The following NPHS1 variants were observed in gnomAD, a reference collection of about 807,000 sequenced individuals.
The protein encoded by NPHS1 is nephrin.
A neutral mutation model predicts 139.7 loss-of-function variants in NPHS1; 107 were observed. The observed-to-expected ratio is 0.77, with a 90% CI of 0.66 to 0.90. NPHS1 has a LOEUF of 0.90. Among genes scored for constraint, NPHS1 ranks in the 40% least tolerant of loss-of-function variants. The pLI is 0.00. For synonymous variants in NPHS1, 707 were observed against 706.6 expected, an observed-to-expected ratio of 1.00 and a Z score of -0.01; for missense variants, 1,580 against 1,654.2, an observed-to-expected ratio of 0.96 and a Z score of 0.78.
At chr19:35,843,807 G>C in intron 16 of NPHS1, 1 of 665,374 alleles carries the variant, frequency 1.5e-6, no homozygotes, top group Non-Finnish European at 2.5e-6. Context: ...AGAGTGAGTT[G>C]AGTGGGCTTC....
chr19:35,831,636 T>C lies in NPHS1; in HGVS notation c.3286+7A>G, dbSNP rs1568449284. On this transcript the variant is annotated splice_region_variant and intron_variant, in intron 24 of 28. Transcript: ENST00000378910. ...CTCCACCCTGGCAGGGAAGGGTCTCTCCTCACCCTCAGCAAGACGCCTGAG... is the reference window on the plus strand; with the variant it reads ...CTCCACCCTGGCAGGGAAGGGTCTCCCCTCACCCTCAGCAAGACGCCTGAG... 4 of 1,613,116 alleles carry C rather than the reference T, an allele frequency of 2.5e-6. No homozygotes were observed. Among genetic ancestry groups the C allele is most frequent in the Non-Finnish European group, 3.4e-6 (4 of 1,179,720 alleles).
chr19:35,839,455 C>T (rs888347642), intron 21 of NPHS1, 37 bp from the exon 22 acceptor site: 2 of 1,613,198 alleles, frequency 1.2e-6, no homozygotes, highest in Non-Finnish European at 1.7e-6. Flanking sequence ...AGGGAAGTGC[C>T]CTAGCCCATT....
At chr19:35,834,840 G>A (rs1051820999) in intron 23 of NPHS1, among the ~76,000 whole-genome samples, 80 of 150,368 alleles carry the variant, frequency 5.3e-4, no homozygotes, top group East Asian at 7.9e-4. Context: ...AGCCGAGATC[G>A]CACCACTGCA....
Position 35,831,362 on chromosome 19 carries a change from C to T in NPHS1, c.3321G>A (p.Glu1107=), listed in dbSNP as rs115670171. 138 of 1,614,102 alleles carry T rather than the reference C, an allele frequency of 8.5e-5. No individual in the cohort carries two copies. The East Asian group carries it at 2.1e-3, about 25-fold the overall frequency. ...CCTCATATTCGTTCCTGACTCGGTC[C>T]TCTTCCGACCTTCCAGGATGAAGGT... ...ISEKTEAGSE[E]DRVRNEYEES... Residue 1107 remains glutamate, a synonymous_variant, in exon 26 of 29, where the codon GAG becomes GAA. Transcript: ENST00000378910.
rs781684656 is a variant in NPHS1, at chr19:35,849,196, C to G, written c.840+40G>C. 4 of 1,613,400 alleles carry G rather than the reference C, an allele frequency of 2.5e-6. No homozygotes were observed. In the African/African-American group the frequency reaches 5.3e-5, roughly 21 times the overall value. Reference sequence around the variant, plus strand: ...CCAGCTCAGGACTGGCTCCCAGACCCCACTGTCCCCCCATTCCCCATGCCC... The same window carrying G: ...CCAGCTCAGGACTGGCTCCCAGACCGCACTGTCCCCCCATTCCCCATGCCC... On this transcript the variant is annotated intron_variant, in intron 7 of 28. Transcript: ENST00000378910.
intron 23 of NPHS1, among the ~76,000 whole-genome samples, chr19:35,831,967 C>T (rs943403550): frequency 5.9e-5 from 9 of 152,198 alleles, no homozygotes; most frequent in Non-Finnish European, 1.0e-4. Flanking sequence ...AAACTTCCTC[C>T]GTTTGCTTGA....
In NPHS1 at chr19:35,851,640, GA is replaced by G. The variant is rs1321939270; in HGVS notation, c.90del (p.Arg32GlyfsTer10). On this transcript the variant is annotated frameshift_variant, in exon 2 of 29. Transcript: ENST00000378910. LOFTEE classifies it high-confidence loss of function. ...GLAQLAIPASVPRGFWALPEN... is the reference protein window; with the variant it reads ...GLAQLAIPASXPRGFWALPEN... Reference sequence around the variant, plus strand: ...TCAGGCAGGGCCCAGAAGCCCCGGGGAACGGAGGCAGGAATCGCCAACTGCG... The same window carrying G: ...TCAGGCAGGGCCCAGAAGCCCCGGGGACGGAGGCAGGAATCGCCAACTGCG... 6.2e-7 allele frequency: 1 copy of G among 1,613,732 alleles called. No homozygotes were observed. The highest frequency in any genetic ancestry group is 1.3e-5 in the African/African-American group (1 of 74,932).
chr19:35,834,527 A>C (rs1437937288), intron 23 of NPHS1, among the ~76,000 whole-genome samples: 2 of 152,060 alleles, frequency 1.3e-5, no homozygotes, highest in Non-Finnish European at 2.9e-5. Context: ...GGAGTGAGCT[A>C]ATTCTTACGG....
At position 35,844,205 on chromosome 19, in the gene NPHS1, G is replaced by C. The variant is rs201742672; in HGVS notation, c.2110C>G (p.Leu704Val). Residue 704 changes from leucine (L) to valine (V), a missense_variant, in exon 16 of 29, where the codon CTG becomes GTG. Transcript: ENST00000378910. ...GCGCGGGTCACATTCCACAGATGCA[G>C]AGCCCCGCTGGACAGGATGCGATGC... ...PRHRILSSGA[L>V]HLWNVTRADD... The C allele has an allele frequency of 6.2e-6, 10 of 1,612,600 alleles. No individual in the cohort carries two copies. In the African/African-American group the frequency reaches 1.3e-4, roughly 21 times the overall value.
Position 35,826,429 on chromosome 19 carries a change from T to A in NPHS1, c.*85A>T. 6.4e-7 allele frequency: 1 copy of A among 1,554,376 alleles called. No homozygotes were observed. The highest frequency in any genetic ancestry group is 8.9e-7 in the Non-Finnish European group (1 of 1,129,206). ...CCCTTTGGGTTTTATGGAGCTCACC[T>A]AACCAGCTCGGCCCAGGCTGTAATG... On this transcript the variant is annotated 3_prime_UTR_variant, in exon 29 of 29. Coordinates refer to ENST00000378910, the MANE Select transcript of NPHS1 (RefSeq NM_004646.4).
In NPHS1 at chr19:35,831,763, C is replaced by T. The variant is rs1009762900; in HGVS notation, c.3167-1G>A. ...GGCAGCAGGGGCAGCCCCGAGGGTC[C>T]TAGGGGTGGAAGATACCCCTCAGTG... On this transcript the variant is annotated splice_acceptor_variant, in intron 23 of 28. Transcript: ENST00000378910. LOFTEE classifies it high-confidence loss of function. 6.4e-7 allele frequency: 1 copy of T among 1,564,458 alleles called. No individual in the cohort carries two copies. The highest frequency in any genetic ancestry group is 8.7e-7 in the Non-Finnish European group (1 of 1,155,510).
chr19:35,847,977 G>C, intron 11 of NPHS1, 64 bp downstream of exon 11: 1 of 1,551,124 alleles, frequency 6.4e-7, no homozygotes, highest in South Asian at 1.1e-5. Flanking sequence ...TTCTGAAGGA[G>C]AGAAGGGGCC....
Position 35,850,958 on chromosome 19 carries a change from C to T in NPHS1, c.526+3G>A, listed in dbSNP as rs770891752. ...CCCTGCCACCCAGTTCACCCACACT[C>T]ACTCAGGAGAATGGTGATGTCAGGT... On this transcript the variant is annotated splice_donor_region_variant and intron_variant, in intron 4 of 28. Transcript: ENST00000378910. The T allele has an allele frequency of 4.3e-6, 7 of 1,613,920 alleles. No individual in the cohort carries two copies. Among genetic ancestry groups the T allele is most frequent in the Non-Finnish European group, 5.9e-6 (7 of 1,180,030 alleles).
At chr19:35,833,631 G>A (rs749573499) in intron 23 of NPHS1, among the ~76,000 whole-genome samples, 12 of 152,160 alleles carry the variant, frequency 7.9e-5, no homozygotes, top group Non-Finnish European at 1.0e-4. Context: ...GAAACAGATC[G>A]CTGGTGAGAT....
chr19:35,839,702 A>G, intron 20 of NPHS1, 95 bp from the exon 21 acceptor site: 3 of 952,320 alleles, frequency 3.2e-6, no homozygotes, highest in Middle Eastern at 2.4e-4. Flanking sequence ...TAAATATACA[A>G]TCGCTTCTCA....
At chr19:35,848,921 C>G (rs979891525) in intron 8 of NPHS1, 55 bp downstream of exon 8, 2 of 1,610,954 alleles carry the variant, frequency 1.2e-6, no homozygotes, top group African/African-American at 1.3e-5. Context: ...GGGGCACACA[C>G]AGATGGTTCT....
In NPHS1 at chr19:35,852,264, C is replaced by T. The variant is rs187539929; in HGVS notation, c.-427G>A. ...TCCATCTTTCTCTCCTTGTCTAAGC[C>T]GTTCTCTCTCCTTTTGTCTCTGTCT... On this transcript the variant is annotated 5_prime_UTR_variant, in exon 1 of 29. Transcript: ENST00000378910. Among the ~76,000 whole-genome samples, 12 of 151,660 alleles carry T rather than the reference C, an allele frequency of 7.9e-5. No homozygotes were observed. Among genetic ancestry groups the T allele is most frequent in the South Asian group, 4.2e-4 (2 of 4,780 alleles).
intron 28 of NPHS1, among the ~76,000 whole-genome samples, chr19:35,830,195 T>C (rs1568448706): frequency 6.6e-6 from 1 of 152,358 alleles, no homozygotes; most frequent in East Asian, 1.9e-4. Flanking sequence ...ACAGCCTCCT[T>C]TGCCGTCAGA....
At chr19:35,843,907 A>G (rs925992541) in intron 16 of NPHS1, 196 bp downstream of exon 16, 18 of 791,020 alleles carry the variant, frequency 2.3e-5, no homozygotes, top group African/African-American at 3.5e-5. Flanking sequence ...CTCTCTGGGC[A>G]GAGATTCCAC....
Sources: allele counts gnomAD v4.1 joint callset (sites outside exome capture counted in the v4.1 genomes callset), GRCh38; gene constraint gnomAD v4.1.1; transcripts MANE v1.5; gene names NCBI Gene and HGNC (gene_info 2026-07-23, HGNC 2026-07-21).